SEMA6A: variants seen among roughly 807,000 people sequenced by gnomAD.
SEMA6A encodes semaphorin-6A.
Under a neutral mutation model 96.8 loss-of-function variants are expected in SEMA6A, and 25 were observed. That is an observed-to-expected ratio of 0.26 (90% CI 0.19 to 0.36). The LOEUF (loss-of-function observed/expected upper bound fraction) is 0.36. Among genes scored for constraint, SEMA6A ranks in the 10% least tolerant of loss-of-function variants. SEMA6A has a pLI of 1.00. For missense variants in SEMA6A, 1,363 were observed against 1,323.1 expected, an observed-to-expected ratio of 1.03 and a Z score of -0.47; for synonymous variants, 612 against 518.0, an observed-to-expected ratio of 1.18 and a Z score of -2.46.
At chr5:116,501,192 C>G (rs2112764452) in intron 3 of SEMA6A, among the ~76,000 whole-genome samples, 1 of 152,278 alleles carries the variant, frequency 6.6e-6, no homozygotes, top group South Asian at 2.1e-4. Context: ...TCCTTAGGGA[C>G]TTCATTAAGG....
intron 1 of SEMA6A, among the ~76,000 whole-genome samples, chr5:116,549,312 G>C (rs13355562): frequency 2.0e-5 from 3 of 152,102 alleles, no homozygotes; most frequent in Non-Finnish European, 4.4e-5. Flanking sequence ...TGGAGAGCTC[G>C]GCACTAGAAC....
At position 116,502,220 on chromosome 5, in the gene SEMA6A, T is replaced by C. The variant is rs1757916205; in HGVS notation, c.208A>G (p.Ile70Val). ...MIMIMNGTLY[I>V]AARDHIYTVD... is the part of the protein sequence containing the mutation. ...GAAAAGGCCCCTTACCTAGCAGCAA[T>C]GTAGAGGGTTCCGTTCATGATCATA... Residue 70 changes from isoleucine (I) to valine (V), a missense_variant, in exon 3 of 19, where the codon ATT (isoleucine) becomes GTT (valine). By Grantham distance (29) the Ile-to-Val change is conservative. Transcript: ENST00000343348. 4 of 1,613,730 alleles carry C rather than the reference T, an allele frequency of 2.5e-6. No individual in the cohort carries two copies. The highest frequency in any genetic ancestry group is 2.7e-5 in the African/African-American group (2 of 75,024).
chr5:116,498,907 A>G (rs954744460), intron 3 of SEMA6A: 2 of 152,170 alleles, frequency 1.3e-5, no homozygotes, highest in Non-Finnish European at 2.9e-5. Flanking sequence ...ATGCATTGGC[A>G]GCTCCTCAGA....
At chr5:116,499,421 GC>G (rs1276986515) in intron 3 of SEMA6A, among the ~76,000 whole-genome samples, 1 of 144,960 alleles carries the variant, frequency 6.9e-6, no homozygotes, top group African/African-American at 2.6e-5. Flanking sequence ...GCGGGGGTTG[GC>G]CGGGGGGTGG....
chr5:116,561,485 T>C (rs945924053), intron 1 of SEMA6A, among the ~76,000 whole-genome samples: 1 of 152,152 alleles, frequency 6.6e-6, no homozygotes. Context: ...AAGATGCAAA[T>C]ACATTATGGT....
chr5:116,563,633 G>A (rs772319046), intron 1 of SEMA6A, among the ~76,000 whole-genome samples: 3 of 152,264 alleles, frequency 2.0e-5, no homozygotes, highest in African/African-American at 4.8e-5. Flanking sequence ...CTTAAGCTAC[G>A]TGTGCAATGT....
At chr5:116,503,293 C>G (rs937153503) in intron 2 of SEMA6A, among the ~76,000 whole-genome samples, 15 of 152,170 alleles carry the variant, frequency 9.9e-5, no homozygotes, top group African/African-American at 3.1e-4. Context: ...CTTGTAGTAT[C>G]TGACCATTAC....
At chr5:116,535,778 G>T (rs1759680747) in intron 1 of SEMA6A, among the ~76,000 whole-genome samples, 2 of 152,172 alleles carry the variant, frequency 1.3e-5, no homozygotes, top group African/African-American at 4.8e-5. Flanking sequence ...AAATGATTTT[G>T]TAAAACAGAT....
chr5:116,504,899 C>A lies in SEMA6A; in HGVS notation c.46G>T (p.Ala16Ser). ...LLLYFTLLHFAGAGFPEDSEP... is the reference protein window; with the variant it reads ...LLLYFTLLHFSGAGFPEDSEP... ...GAATCTTCTGGGAAACCAGCCCCAG[C>A]AAAGTGTAGCAGTGTGAAATATAGC... Residue 16 changes from alanine (A) to serine (S), a missense_variant, in exon 2 of 19, where the codon GCT becomes TCT. Transcript: ENST00000343348. The A allele has an allele frequency of 6.2e-7, 1 of 1,604,050 alleles. No homozygotes were observed. Among genetic ancestry groups the A allele is most frequent in the Non-Finnish European group, 8.5e-7 (1 of 1,175,170 alleles).
At chr5:116,505,077 G>T in intron 1 of SEMA6A, 95 bp from the exon 2 acceptor site, 1 of 621,076 alleles carries the variant, frequency 1.6e-6, no homozygotes, top group East Asian at 2.8e-5. Flanking sequence ...GAGAAAAAAA[G>T]GCTTCTGCTT....
intron 17 of SEMA6A, chr5:116,468,170 CAG>C (rs1238318967): frequency 6.1e-6 from 1 of 162,746 alleles, no homozygotes; most frequent in East Asian, 1.8e-4. Context: ...GCACTAAACA[CAG>C]AAAGTGTCCA....
chr5:116,527,357 T>C (rs546910490), intron 1 of SEMA6A, among the ~76,000 whole-genome samples: 2 of 152,308 alleles, frequency 1.3e-5, no homozygotes, highest in African/African-American at 4.8e-5. Context: ...AAGACGAATA[T>C]TGCCAAATTA....
intron 18 of SEMA6A, among the ~76,000 whole-genome samples, chr5:116,466,208 TA>T (rs11322633): frequency 0.4 from 58,715 of 146,222 alleles, 13,147 homozygotes; most frequent in Non-Finnish European, 0.52. Flanking sequence ...CTGTCACTAC[TA>T]AAAAAAAAAA....
chr5:116,470,455 A>G (rs1408379138), intron 17 of SEMA6A, among the ~76,000 whole-genome samples: 2 of 152,204 alleles, frequency 1.3e-5, no homozygotes, highest in Non-Finnish European at 2.9e-5. Flanking sequence ...ATAAATAGGT[A>G]TATTTTGAAA....
At chr5:116,472,163 G>GAAATGTAA (rs1292922532) in intron 17 of SEMA6A, 1 of 152,128 alleles carries the variant, frequency 6.6e-6, no homozygotes, top group African/African-American at 2.4e-5. Context: ...GGTACCTTGA[G>GAAATGTAA]AAATGTAAAT....
Position 116,534,927 on chromosome 5 carries a change from AG to A in SEMA6A, c.-38-29946del, listed in dbSNP as rs374173704. Among the ~76,000 whole-genome samples, 628 of 152,390 alleles carry A rather than the reference AG, an allele frequency of 4.1e-3. 4 individuals carry two copies. Among genetic ancestry groups the A allele is most frequent in the African/African-American group, 0.015 (614 of 41,598 alleles). ...AAGTAACTCAAAAAAGAGTACCTGA[AG>A]AAATTCAAATTTTAGGTTTTGTAGC... is the stretch of plus-strand genomic sequence containing the variant. On this transcript the variant is annotated intron_variant, in intron 1 of 18. Transcript: ENST00000343348.
chr5:116,536,896 C>CAAAAAAAAAAAAAAAAA (rs1344678482), intron 1 of SEMA6A, among the ~76,000 whole-genome samples: 64 of 80,028 alleles, frequency 8.0e-4, no homozygotes, highest in Non-Finnish European at 1.0e-3. Flanking sequence ...AAAAAAAAAG[C>CAAAAAAAAAAAAAAAAA]AAAACTGGTG....
At chr5:116,473,941 C>T (rs887936224) in intron 16 of SEMA6A, among the ~76,000 whole-genome samples, 8 of 152,244 alleles carry the variant, frequency 5.3e-5, no homozygotes, top group South Asian at 2.1e-4. Flanking sequence ...CTACAAAGCA[C>T]GAAGGCAGAT....
intron 7 of SEMA6A, among the ~76,000 whole-genome samples, chr5:116,490,506 G>A (rs956546574): frequency 1.3e-5 from 2 of 152,098 alleles, no homozygotes; most frequent in African/African-American, 4.8e-5. Context: ...TCATGTACTT[G>A]GGAGTATGCT....
Sources: gnomAD v4.1 joint callset for allele counts (sites outside exome capture counted in the v4.1 genomes callset) on GRCh38, gnomAD v4.1.1 for gene constraint, MANE v1.5 for transcripts, NCBI Gene and HGNC (gene_info 2026-07-23, HGNC 2026-07-21) for gene names.